Variants in METTL9 observed in about 807,000 individuals in gnomAD.
METTL9 encodes protein-L-histidine N-pros-methyltransferase.
In METTL9, 10 loss-of-function variants were observed where a neutral mutation model predicts 36.0. The observed-to-expected ratio is 0.28, with a 90% CI of 0.17 to 0.47. The LOEUF (loss-of-function observed/expected upper bound fraction) is 0.47, where lower values mean the gene tolerates loss of function less well. METTL9 is among the 20% of genes least tolerant of loss of function. The pLI is 0.99. For missense variants in METTL9, 246 were observed against 383.5 expected, an observed-to-expected ratio of 0.64 and a Z score of 3.00; for synonymous variants, 175 against 149.7, an observed-to-expected ratio of 1.17 and a Z score of -1.23.
At chr16:21,652,736 G>A (rs1034944408) in intron 4 of METTL9, 6 of 613,088 alleles carry the variant, frequency 9.8e-6, no homozygotes, top group Non-Finnish European at 1.7e-5. Flanking sequence ...ATTGTGCAAG[G>A]ATGGCTTCAC....
chr16:21,599,790 G>A lies in METTL9; in HGVS notation c.57G>A (p.Arg19=), dbSNP rs777027206. Residue 19 remains arginine (R), a synonymous_variant, in exon 1 of 5, where the codon CGG becomes CGA. Coordinates refer to ENST00000358154, the MANE Select transcript of METTL9 (RefSeq NM_016025.5). This position sits in a 1 kb window ranked among gnomAD's most constrained non-coding sequence, Gnocchi z 4.4. ...CLSLASVWLA[R]RMWTLRSPLT... ...GCCTGGCGTCCGTGTGGCTGGCGCG[G>A]AGGATGTGGACGCTGCGGAGCCCGC... 1.3e-6 allele frequency: 2 copies of A among 1,549,620 alleles called. No homozygotes were observed. Among genetic ancestry groups the A allele is most frequent in the South Asian group, 2.4e-5 (2 of 84,614 alleles).
chr16:21,655,181 C>T (rs1966674301), intron 4 of METTL9, 46 bp from the exon 5 acceptor site: 1 of 1,556,992 alleles, frequency 6.4e-7, no homozygotes, highest in Non-Finnish European at 8.8e-7. Flanking sequence ...CTCTTTAAAT[C>T]ACTTGTTTGT....
At chr16:21,648,670 C>T (rs1387514676) in intron 4 of METTL9, among the ~76,000 whole-genome samples, 9 of 152,194 alleles carry the variant, frequency 5.9e-5, no homozygotes, top group Admixed American at 1.3e-4. Context: ...TGGAAAGACC[C>T]GCCCTAAACC....
At chr16:21,628,884 A>G (rs1304962346) in intron 4 of METTL9, among the ~76,000 whole-genome samples, 3 of 143,238 alleles carry the variant, frequency 2.1e-5, no homozygotes, top group Non-Finnish European at 3.0e-5. Flanking sequence ...GTTTGGCTTG[A>G]GATGTTTCTT....
At chr16:21,647,387 C>T (rs1966458147) in intron 4 of METTL9, 1 of 1,613,988 alleles carries the variant, frequency 6.2e-7, no homozygotes, top group African/African-American at 1.3e-5. Context: ...CTCAGAAGGG[C>T]ATCCGGTTGC....
At chr16:21,651,639 TC>T (rs2141625904) in intron 4 of METTL9, among the ~76,000 whole-genome samples, 1 of 152,232 alleles carries the variant, frequency 6.6e-6, no homozygotes, top group East Asian at 1.9e-4. Flanking sequence ...TTCTAACATA[TC>T]AAAGTAGCGA....
At chr16:21,621,412 A>G (rs577841043) in intron 3 of METTL9, among the ~76,000 whole-genome samples, 1 of 151,168 alleles carries the variant, frequency 6.6e-6, no homozygotes, top group African/African-American at 2.4e-5. Flanking sequence ...TGCAACCTCT[A>G]CCTCCCAGGT....
chr16:21,618,249 G>A (rs1965601892), intron 3 of METTL9, among the ~76,000 whole-genome samples, 175 bp downstream of exon 3: 1 of 152,088 alleles, frequency 6.6e-6, no homozygotes, highest in East Asian at 1.9e-4. Flanking sequence ...CGGAGGGGTT[G>A]GCACTATAGG....
intron 1 of METTL9, among the ~76,000 whole-genome samples, chr16:21,605,363 C>G (rs1001291861): frequency 7.3e-6 from 1 of 137,828 alleles, no homozygotes; most frequent in Non-Finnish European, 1.5e-5. Context: ...TCACTGCAGC[C>G]TCAAACTCCT....
At chr16:21,629,844 A>G (rs1965906261) in intron 4 of METTL9, among the ~76,000 whole-genome samples, 1 of 152,110 alleles carries the variant, frequency 6.6e-6, no homozygotes, top group South Asian at 2.1e-4. Context: ...TCCATTTTAC[A>G]GAGAGCTGAT....
intron 4 of METTL9, chr16:21,641,336 T>C: frequency 5.1e-6 from 2 of 390,616 alleles, no homozygotes; most frequent in Non-Finnish European, 9.2e-6. Context: ...TATTTTTCAG[T>C]TGCATTTTGT....
chr16:21,619,947 A>G (rs1233414964), intron 3 of METTL9, among the ~76,000 whole-genome samples: 3 of 152,186 alleles, frequency 2.0e-5, no homozygotes, highest in Non-Finnish European at 4.4e-5. Flanking sequence ...AATCCTAGAG[A>G]TAGAGCATCA....
At chr16:21,642,589 C>A (rs1966301321) in intron 4 of METTL9, among the ~76,000 whole-genome samples, 2 of 152,108 alleles carry the variant, frequency 1.3e-5, no homozygotes, top group Non-Finnish European at 2.9e-5. Context: ...TACATGTATT[C>A]TTTTCAGTTC....
chr16:21,623,765 T>TTTTTG (rs774700629), intron 3 of METTL9, among the ~76,000 whole-genome samples: 19 of 152,060 alleles, frequency 1.2e-4, no homozygotes, highest in East Asian at 3.9e-4. Context: ...TTCTGTATAG[T>TTTTTG]TTTTGTTTTG....
intron 4 of METTL9, chr16:21,641,423 C>G (rs1245460206): frequency 3.9e-6 from 2 of 515,000 alleles, no homozygotes; most frequent in Non-Finnish European, 6.8e-6. Flanking sequence ...AGCCAGTTGT[C>G]TTTTCAGTTT....
At chr16:21,614,994 C>CT (rs1965517429) in intron 2 of METTL9, among the ~76,000 whole-genome samples, 1 of 152,124 alleles carries the variant, frequency 6.6e-6, no homozygotes, top group Non-Finnish European at 1.5e-5. Context: ...TGCAGGAAGT[C>CT]TAACTTTTCT....
intron 1 of METTL9, among the ~76,000 whole-genome samples, chr16:21,600,707 G>A (rs1965101185): frequency 6.6e-6 from 1 of 152,192 alleles, no homozygotes; most frequent in Non-Finnish European, 1.5e-5. Flanking sequence ...CCACTTAAAC[G>A]TGTACAGGTT....
At chr16:21,623,890 C>T (rs1220984237) in intron 3 of METTL9, among the ~76,000 whole-genome samples, 4 of 152,072 alleles carry the variant, frequency 2.6e-5, no homozygotes, top group African/African-American at 9.7e-5. Context: ...CCTACCTCAG[C>T]CTCCCGGGTA....
At chr16:21,626,893 T>A in intron 4 of METTL9, 1 of 935,638 alleles carries the variant, frequency 1.1e-6, no homozygotes, top group Non-Finnish European at 1.3e-6. Context: ...GGAAGAAACA[T>A]CAATCTAACC....
Sources: allele counts gnomAD v4.1 joint callset (sites outside exome capture counted in the v4.1 genomes callset), GRCh38; gene constraint gnomAD v4.1.1; non-coding constraint Gnocchi (gnomAD v3.1); transcripts MANE v1.5; gene names NCBI Gene and HGNC (gene_info 2026-07-23, HGNC 2026-07-21).